The following PTPRD variants were observed in gnomAD, a reference collection of about 807,000 sequenced individuals.
PTPRD encodes receptor-type tyrosine-protein phosphatase delta.
PTPRD carries 34 observed loss-of-function variants against 214.5 expected under a neutral mutation model. The ratio of observed to expected loss-of-function variants is 0.16; its 90% confidence interval spans 0.12 to 0.21. The LOEUF (loss-of-function observed/expected upper bound fraction) is 0.21, where lower values mean the gene tolerates loss of function less well. Among genes scored for constraint, PTPRD ranks in the 10% least tolerant of loss-of-function variants. The pLI, the probability that PTPRD is intolerant of heterozygous loss-of-function variation, is 1.00. For synonymous variants in PTPRD, 1,128 were observed against 845.7 expected (o/e 1.33, Z -5.79); for missense variants, 2,545 against 2,398.7 (o/e 1.06, Z -1.27).
intron 9 of PTPRD, among the ~76,000 whole-genome samples, chr9:9,391,462 C>G (rs965832200): frequency 3.3e-5 from 5 of 152,096 alleles, no homozygotes; most frequent in Non-Finnish European, 4.4e-5. Context: ...TTAGAAATCA[C>G]TAATTATGTA....
chr9:9,590,932 G>A (rs1466033974), intron 7 of PTPRD, among the ~76,000 whole-genome samples: 1 of 151,958 alleles, frequency 6.6e-6, no homozygotes, highest in South Asian at 2.1e-4. Context: ...AAGATGCAAA[G>A]CTTTATGTAA....
At chr9:9,385,754 C>T (rs185156406) in intron 9 of PTPRD, among the ~76,000 whole-genome samples, 4 of 152,216 alleles carry the variant, frequency 2.6e-5, no homozygotes, top group East Asian at 3.9e-4. Context: ...CTCATTTAGT[C>T]GACATAACTT....
intron 3 of PTPRD, among the ~76,000 whole-genome samples, chr9:10,250,982 T>C (rs938425517): frequency 1.3e-5 from 2 of 152,036 alleles, no homozygotes; most frequent in African/African-American, 4.8e-5. Flanking sequence ...AAGTTTTTCA[T>C]TTGTCAGAAA....
intron 30 of PTPRD, among the ~76,000 whole-genome samples, chr9:8,476,274 G>A (rs1467169558): frequency 6.6e-6 from 1 of 152,166 alleles, no homozygotes; most frequent in Non-Finnish European, 1.5e-5. Flanking sequence ...CCTCACATGT[G>A]CAGTTCACAA....
chr9:10,476,139 T>G (rs1435275312), intron 2 of PTPRD, among the ~76,000 whole-genome samples: 1 of 152,078 alleles, frequency 6.6e-6, no homozygotes, highest in East Asian at 1.9e-4. Context: ...GCCAGGGCAG[T>G]GAGGCAGGAG....
At chr9:8,935,689 G>C (rs1248086401) in intron 11 of PTPRD, among the ~76,000 whole-genome samples, 1 of 152,192 alleles carries the variant, frequency 6.6e-6, no homozygotes, top group African/African-American at 2.4e-5. Context: ...GCCCCCCACA[G>C]TGGGAAATTA....
intron 8 of PTPRD, among the ~76,000 whole-genome samples, chr9:9,443,409 A>G (rs973941889): frequency 5.9e-5 from 9 of 152,214 alleles, no homozygotes; most frequent in African/African-American, 2.2e-4. Context: ...GTTCTTTGAT[A>G]TTACTTGCAG....
intron 2 of PTPRD, among the ~76,000 whole-genome samples, chr9:10,510,032 T>C (rs2133728089): frequency 6.6e-6 from 1 of 152,232 alleles, no homozygotes; most frequent in African/African-American, 2.4e-5. Flanking sequence ...TTTAATACTT[T>C]GCTCAGCTCT....
chr9:8,932,935 T>A (rs2098963235), intron 11 of PTPRD, among the ~76,000 whole-genome samples: 1 of 152,126 alleles, frequency 6.6e-6, no homozygotes, highest in Non-Finnish European at 1.5e-5. Flanking sequence ...CTCCTGCAGC[T>A]AGCTTGGTGT....
intron 11 of PTPRD, among the ~76,000 whole-genome samples, chr9:8,993,039 A>G (rs2099383666): frequency 6.6e-6 from 1 of 152,188 alleles, no homozygotes; most frequent in Non-Finnish European, 1.5e-5. Context: ...ACTAACTACC[A>G]AAGATGGCTA....
rs372389657 is a variant in PTPRD at position 10,205,498 on chromosome 9, C to A, written c.-545+135465G>T. ...TTGGCTCACTGCAACCTCCACCTCCCAGATTCAAGTGATTCTCCTGCCACA... is the reference window on the plus strand; with the variant it reads ...TTGGCTCACTGCAACCTCCACCTCCAAGATTCAAGTGATTCTCCTGCCACA... On this transcript the variant is annotated intron_variant, in intron 3 of 45. Transcript: ENST00000381196. 4.7e-4 allele frequency among the ~76,000 whole-genome samples: 71 copies of A among 152,018 alleles called. 3 individuals are homozygous for A. The South Asian group carries it at 0.014, about 30-fold the overall frequency.
intron 2 of PTPRD, among the ~76,000 whole-genome samples, chr9:10,607,705 C>T (rs1217705622): frequency 6.6e-6 from 1 of 151,724 alleles, no homozygotes; most frequent in African/African-American, 2.4e-5. Context: ...AAAAAGTTTC[C>T]AATTTCATCA....
At chr9:9,029,255 T>G (rs558649126) in intron 10 of PTPRD, among the ~76,000 whole-genome samples, 2 of 151,876 alleles carry the variant, frequency 1.3e-5, no homozygotes, top group Non-Finnish European at 2.9e-5. Flanking sequence ...TATATTTCTA[T>G]TGGACAGTGT....
intron 9 of PTPRD, among the ~76,000 whole-genome samples, chr9:9,226,168 T>A (rs1485367289): frequency 6.6e-6 from 1 of 151,838 alleles, no homozygotes; most frequent in Non-Finnish European, 1.5e-5. Context: ...AGAATAGTGG[T>A]CATTTTAGAT....
intron 32 of PTPRD, among the ~76,000 whole-genome samples, chr9:8,463,503 T>G (rs2096472694): frequency 6.6e-6 from 1 of 151,876 alleles, no homozygotes; most frequent in South Asian, 2.1e-4. Flanking sequence ...TCATTTGAAA[T>G]TCTTTACCAA....
At chr9:9,716,730 C>A (rs369909746) in intron 7 of PTPRD, among the ~76,000 whole-genome samples, 26 of 152,046 alleles carry the variant, frequency 1.7e-4, no homozygotes, top group Admixed American at 3.9e-4. Context: ...GTTTGAGTTC[C>A]TTGTAGATTC....
chr9:9,135,609 A>G (rs1053622775), intron 10 of PTPRD, among the ~76,000 whole-genome samples: 1 of 152,206 alleles, frequency 6.6e-6, no homozygotes, highest in African/African-American at 2.4e-5. Context: ...GAGGGAAAAT[A>G]TTGGATTTGA....
chr9:9,862,584 C>T (rs1353345920), intron 5 of PTPRD, among the ~76,000 whole-genome samples: 1 of 152,180 alleles, frequency 6.6e-6, no homozygotes, highest in Non-Finnish European at 1.5e-5. Context: ...AAAACACCTG[C>T]ATCTGATTGA....
intron 39 of PTPRD, among the ~76,000 whole-genome samples, chr9:8,367,453 T>C (rs986456240): frequency 1.3e-5 from 2 of 152,308 alleles, no homozygotes; most frequent in East Asian, 3.9e-4. Context: ...CTAAGCATCC[T>C]ATAATGTATA....
Sources: allele counts gnomAD v4.1 joint callset (sites outside exome capture counted in the v4.1 genomes callset), GRCh38; gene constraint gnomAD v4.1.1; transcripts MANE v1.5; gene names NCBI Gene and HGNC (gene_info 2026-07-23, HGNC 2026-07-21).